CCT6B: variants seen among roughly 807,000 people sequenced by gnomAD.
CCT6B encodes probable T-complex protein 1 subunit zeta-2.
In CCT6B, 49 loss-of-function variants were observed where a neutral mutation model predicts 61.5. The ratio of observed to expected loss-of-function variants is 0.80; its 90% CI spans 0.63 to 1.01. The LOEUF (loss-of-function observed/expected upper bound fraction) is 1.01, where lower values mean the gene tolerates loss of function less well. CCT6B is among the 50% of genes least tolerant of loss of function. The probability of loss-of-function intolerance (pLI) is 0.00; values close to 1 mark genes in which losing one functional copy is unlikely to be tolerated. For synonymous variants in CCT6B, 228 were observed against 214.5 expected, an observed-to-expected ratio of 1.06 and a Z score of -0.55; for missense variants, 666 against 634.7, an observed-to-expected ratio of 1.05 and a Z score of -0.53.
At chr17:34,930,244 A>G (rs893345180) in intron 12 of CCT6B, among the ~76,000 whole-genome samples, 3 of 152,194 alleles carry the variant, frequency 2.0e-5, no homozygotes, top group African/African-American at 7.2e-5. Flanking sequence ...TGCACTCCAC[A>G]GCATGGGTGA....
At chr17:34,939,074 ACT>A (rs2090128278) in intron 10 of CCT6B, 107 bp downstream of exon 10, 2 of 896,540 alleles carry the variant, frequency 2.2e-6, no homozygotes, top group Middle Eastern at 2.8e-4. Flanking sequence ...ACAGAGGAAG[ACT>A]CTGTCTAAAA....
chr17:34,953,335 A>T (rs1384600826), intron 4 of CCT6B, among the ~76,000 whole-genome samples: 23 of 128,912 alleles, frequency 1.8e-4, no homozygotes, highest in African/African-American at 4.6e-4. Flanking sequence ...ATATATATAT[A>T]TATATATTTT....
At chr17:34,950,861 G>A (rs1411670340) in intron 5 of CCT6B, among the ~76,000 whole-genome samples, 1 of 151,784 alleles carries the variant, frequency 6.6e-6, no homozygotes, top group Non-Finnish European at 1.5e-5. Context: ...CCCAGTAGGC[G>A]GAGGTTGCAG....
At chr17:34,929,232 C>T (rs1355697797) in intron 12 of CCT6B, among the ~76,000 whole-genome samples, 198 bp from the exon 13 acceptor site, 5 of 152,146 alleles carry the variant, frequency 3.3e-5, no homozygotes, top group African/African-American at 4.8e-5. Flanking sequence ...ATTCTGCCGC[C>T]TACTCTATGT....
At position 34,943,874 on chromosome 17, in the gene CCT6B, T is replaced by C. The variant is rs182307357; in HGVS notation, c.615-968A>G. The C allele has an allele frequency of 1.8e-3, 279 of 151,882 alleles. 2 individuals carry two copies. Among genetic ancestry groups the C allele is most frequent in the African/African-American group, 6.6e-3 (274 of 41,498 alleles). 9.4% of individuals were successfully genotyped at this position (151,882 alleles called of 1,614,324 possible). On this transcript the variant is annotated intron_variant, in intron 5 of 13. Transcript: ENST00000314144. ...GGGTTATGCCTGGGTAGTAGGAATA[T>C]AGATGATTTGGAAAGGAGGTGTTTC...
At chr17:34,941,289 G>GAT (rs2090161048) in intron 7 of CCT6B, among the ~76,000 whole-genome samples, 1 of 152,110 alleles carries the variant, frequency 6.6e-6, no homozygotes, top group Admixed American at 6.5e-5. Flanking sequence ...TAGTCATGTA[G>GAT]ATAGCATCAG....
In CCT6B at chr17:34,939,108, G is replaced by GGT. The variant is rs2090128904; in HGVS notation, c.1213+73_1213+74dup. On this transcript the variant is annotated intron_variant, in intron 10 of 13. Coordinates refer to ENST00000314144, the MANE Select transcript of CCT6B (RefSeq NM_006584.4). ...AAAAATATACATATATACATACATA[G>GGT]GTGTGTGTGTATATATATATACATA... 7 of 1,155,826 alleles carry GGT rather than the reference G, an allele frequency of 6.1e-6. No homozygotes were observed. The East Asian group carries it at 1.2e-4, about 20-fold the overall frequency. The allele number at this position is 1,155,826 out of a possible 1,614,324, so 71.6% of individuals were successfully genotyped here.
At chr17:34,932,139 G>C (rs2090042330) in intron 11 of CCT6B, among the ~76,000 whole-genome samples, 1 of 152,146 alleles carries the variant, frequency 6.6e-6, no homozygotes, top group Admixed American at 6.5e-5. Flanking sequence ...GGAACTCAGA[G>C]AAAGAAGCAA....
chr17:34,942,111 T>C (rs1223500251), intron 7 of CCT6B, among the ~76,000 whole-genome samples: 1 of 151,348 alleles, frequency 6.6e-6, no homozygotes, highest in Non-Finnish European at 1.5e-5. Context: ...AAAGGATGCA[T>C]ATTTCAGAAT....
At chr17:34,960,043 C>T (rs558417534) in intron 1 of CCT6B, among the ~76,000 whole-genome samples, 1 of 152,324 alleles carries the variant, frequency 6.6e-6, no homozygotes, top group East Asian at 1.9e-4. Context: ...TCACCAAGTT[C>T]TATCAATTCT....
chr17:34,944,881 G>A lies in CCT6B; in HGVS notation c.615-1975C>T, dbSNP rs558885429. On this transcript the variant is annotated intron_variant, in intron 5 of 13. Coordinates refer to ENST00000314144, the MANE Select transcript of CCT6B (RefSeq NM_006584.4). ...GCAGAGCTTGCAGTGAGCCGCGATC[G>A]CGCCACTGGACTCCAGCCTGGGCGA... Among the ~76,000 whole-genome samples the A allele has an allele frequency of 2.3e-3, 350 of 152,314 alleles. 2 individuals are homozygous for A. The highest frequency in any genetic ancestry group is 7.9e-3 in the African/African-American group (328 of 41,568).
intron 10 of CCT6B, among the ~76,000 whole-genome samples, chr17:34,937,292 G>T (rs75730104): frequency 0.011 from 1,743 of 151,922 alleles, 15 homozygotes; most frequent in Non-Finnish European, 0.02. Context: ...AAAAAAAAAT[G>T]AGAGTTAACA....
At chr17:34,936,062 T>C (rs970188593) in intron 10 of CCT6B, among the ~76,000 whole-genome samples, 1 of 152,110 alleles carries the variant, frequency 6.6e-6, no homozygotes, top group Non-Finnish European at 1.5e-5. Flanking sequence ...GCAATTCTCC[T>C]GCCTCAGCCT....
intron 12 of CCT6B, among the ~76,000 whole-genome samples, chr17:34,930,679 A>G (rs1451520720): frequency 2.0e-5 from 3 of 152,094 alleles, no homozygotes. Flanking sequence ...TAAAGTTATT[A>G]TTTACTGCCT....
In CCT6B at chr17:34,939,614, C is replaced by T. The variant is rs1243988027; in HGVS notation, c.1065+3G>A. The stretch of plus-strand genomic sequence containing the variant: ...TATAACCACTGTTCATAGAAATACT[C>T]ACTAATGTATACTCATACACAAGAC... On this transcript the variant is annotated splice_donor_region_variant and intron_variant, in intron 9 of 13. Transcript: ENST00000314144. 1 of 1,561,772 alleles carries T rather than the reference C, an allele frequency of 6.4e-7. No homozygotes were observed. Among genetic ancestry groups the T allele is most frequent in the Non-Finnish European group, 8.8e-7 (1 of 1,132,676 alleles).
At chr17:34,957,666 A>G (rs1388923896) in intron 3 of CCT6B, among the ~76,000 whole-genome samples, 2 of 152,240 alleles carry the variant, frequency 1.3e-5, no homozygotes, top group East Asian at 3.8e-4. Context: ...AGTTGCAAGT[A>G]CTGAATTAAT....
intron 5 of CCT6B, chr17:34,943,611 T>C (rs961047435): frequency 6.6e-6 from 1 of 151,912 alleles, no homozygotes; most frequent in Non-Finnish European, 1.5e-5. Flanking sequence ...CCGGGGCCTG[T>C]TGTGGGGTGG....
chr17:34,944,975 A>C (rs1462078186), intron 5 of CCT6B, among the ~76,000 whole-genome samples: 1 of 152,248 alleles, frequency 6.6e-6, no homozygotes, highest in Non-Finnish European at 1.5e-5. Flanking sequence ...ATCAACTCTC[A>C]GTTCACGGCA....
intron 3 of CCT6B, among the ~76,000 whole-genome samples, chr17:34,957,407 G>C (rs568080789): frequency 1.7e-3 from 263 of 152,244 alleles, no homozygotes; most frequent in African/African-American, 6.1e-3. Flanking sequence ...GCCTCCCAAA[G>C]TGCTGGGATT....
Sources: allele counts gnomAD v4.1 joint callset (sites outside exome capture counted in the v4.1 genomes callset), GRCh38; gene constraint gnomAD v4.1.1; transcripts MANE v1.5; gene names NCBI Gene and HGNC (gene_info 2026-07-23, HGNC 2026-07-21).